MAP3K7: variants seen among roughly 807,000 people sequenced by gnomAD.
The protein encoded by MAP3K7 is TGF-beta activated kinase 1.
Under a neutral mutation model 84.8 loss-of-function variants are expected in MAP3K7, and 21 were observed. That is an observed-to-expected ratio of 0.25 (90% confidence interval 0.18 to 0.36). MAP3K7 has a LOEUF of 0.36. Among genes scored for constraint, MAP3K7 ranks in the 10% least tolerant of loss-of-function variants. The probability of loss-of-function intolerance (pLI) is 1.00; values close to 1 mark genes in which losing one functional copy is unlikely to be tolerated. For synonymous variants in MAP3K7, 241 were observed against 247.7 expected, an observed-to-expected ratio of 0.97 and a Z score of 0.25; for missense variants, 503 against 747.7, an observed-to-expected ratio of 0.67 and a Z score of 3.82.
chr6:90,577,237 A>T (rs1777114319), intron 1 of MAP3K7, among the ~76,000 whole-genome samples: 1 of 152,224 alleles, frequency 6.6e-6, no homozygotes, highest in Admixed American at 6.5e-5. Flanking sequence ...AGCTGAATCA[A>T]GGAAAACACC....
intron 1 of MAP3K7, 120 bp downstream of exon 1, chr6:90,586,644 T>C (rs1410109675): frequency 2.3e-5 from 31 of 1,335,974 alleles, no homozygotes; most frequent in South Asian, 2.9e-5. Flanking sequence ...GTCTCCCGGG[T>C]GGACCCCGCA....
At chr6:90,519,701 A>T (rs1775085615) in intron 14 of MAP3K7, among the ~76,000 whole-genome samples, 1 of 151,958 alleles carries the variant, frequency 6.6e-6, no homozygotes, top group Non-Finnish European at 1.5e-5. Context: ...TGCTAAGTTT[A>T]TTTTATAGAA....
At chr6:90,574,113 T>C (rs1334241779) in intron 1 of MAP3K7, among the ~76,000 whole-genome samples, 1 of 152,176 alleles carries the variant, frequency 6.6e-6, no homozygotes, top group African/African-American at 2.4e-5. Context: ...TGAGTTTCTG[T>C]TTTCTCAGCA....
In MAP3K7 at chr6:90,552,156, T is replaced by A; in HGVS notation, c.760A>T (p.Asn254Tyr). The change falls in exon 8 of 17, where the codon AAT (asparagine) becomes TAT (tyrosine). Residue 254 changes from asparagine to tyrosine, a missense_variant. Around this residue, in one of 5 missense-constraint regions of MAP3K7, gnomAD observed 286 missense variants for 313.6 expected, o/e 0.91. Transcript: ENST00000369329. ...AGGCTCTCAATGGGCTTAGGTAAATTTTTTATCAGTGGTGGTCGAGTACCT... is the reference window on the plus strand; with the variant it reads ...AGGCTCTCAATGGGCTTAGGTAAATATTTTATCAGTGGTGGTCGAGTACCT... ...HNGTRPPLIKNLPKPIESLMT... is the reference protein window; with the variant it reads ...HNGTRPPLIKYLPKPIESLMT... 6.2e-7 allele frequency: 1 copy of A among 1,610,864 alleles called. No homozygotes were observed. Among genetic ancestry groups the A allele is most frequent in the Non-Finnish European group, 8.5e-7 (1 of 1,177,492 alleles).
intron 4 of MAP3K7, 135 bp downstream of exon 4, chr6:90,561,487 G>T: frequency 3.6e-6 from 2 of 551,072 alleles, no homozygotes; most frequent in South Asian, 3.4e-5. Context: ...TTTATTCTTA[G>T]CAGATTTTTA....
intron 4 of MAP3K7, 62 bp downstream of exon 4, chr6:90,561,560 T>C: frequency 8.0e-7 from 1 of 1,248,610 alleles, no homozygotes; most frequent in Non-Finnish European, 1.1e-6. Context: ...ACTTAGGGTT[T>C]ATATTAAAAT....
At chr6:90,542,027 A>G (rs1310192438) in intron 12 of MAP3K7, among the ~76,000 whole-genome samples, 1 of 152,008 alleles carries the variant, frequency 6.6e-6, no homozygotes, top group African/African-American at 2.4e-5. Context: ...AATCCTTGCA[A>G]TTGGGTTTTA....
At chr6:90,548,615 G>A (rs1776079890) in intron 9 of MAP3K7, among the ~76,000 whole-genome samples, 1 of 152,036 alleles carries the variant, frequency 6.6e-6, no homozygotes, top group Admixed American at 6.6e-5. Context: ...CCAACAGATG[G>A]TATATAAGGC....
intron 4 of MAP3K7, among the ~76,000 whole-genome samples, chr6:90,560,744 A>T (rs937853777): frequency 2.0e-5 from 3 of 152,228 alleles, no homozygotes; most frequent in Admixed American, 1.3e-4. Context: ...ATTTAATAGT[A>T]CATCTATTAA....
At chr6:90,572,743 T>C (rs1582235263) in intron 1 of MAP3K7, among the ~76,000 whole-genome samples, 1 of 152,268 alleles carries the variant, frequency 6.6e-6, no homozygotes, top group East Asian at 1.9e-4. Flanking sequence ...TATCATACTA[T>C]TGTTGAAGCC....
intron 3 of MAP3K7, among the ~76,000 whole-genome samples, chr6:90,562,234 G>C (rs1426298998): frequency 6.6e-6 from 1 of 152,202 alleles, no homozygotes; most frequent in Non-Finnish European, 1.5e-5. Flanking sequence ...TTGTCAGACA[G>C]TGGGTGCAGC....
Position 90,553,502 on chromosome 6 carries a change from T to A in MAP3K7, c.692A>T (p.Glu231Val). The change falls in exon 7 of 17, where the codon GAG becomes GTG. Residue 231 changes from glutamate (E) to valine (V), a missense_variant. Glu to Val is a moderately radical substitution (Grantham distance 121). Coordinates refer to ENST00000369329, the MANE Select transcript of MAP3K7 (RefSeq NM_145331.3). ...EVITRRKPFD[E>V]IGGPAFRIMW... ...GATTCGGAAAGCTGGGCCACCAATC[T>A]CATCAAAGGGTTTCCGACGCGTTAT... The A allele has an allele frequency of 6.2e-7, 1 of 1,613,974 alleles. No homozygotes were observed. Among genetic ancestry groups the A allele is most frequent in the Non-Finnish European group, 8.5e-7 (1 of 1,179,976 alleles).
chr6:90,534,782 C>T (rs1055409118), intron 13 of MAP3K7, among the ~76,000 whole-genome samples: 3 of 152,134 alleles, frequency 2.0e-5, no homozygotes, highest in Non-Finnish European at 4.4e-5. Flanking sequence ...TGTCTTAGGA[C>T]AAGCTTCTCA....
chr6:90,560,150 C>T lies in MAP3K7; in HGVS notation c.408G>A (p.Gln136=). Reference sequence around the variant, plus strand: ...GAAGATAAGCCACTCCTTGGGAACACTGTAAACACCAACTCATTGCGTGGG... The same window carrying T: ...GAAGATAAGCCACTCCTTGGGAACATTGTAAACACCAACTCATTGCGTGGG... ...TAAHAMSWCL[Q]CSQGVAYLHS... is the part of the protein sequence containing the mutation. Residue 136 remains glutamine (Q), a synonymous_variant, in exon 5 of 17, where the codon CAG becomes CAA. Transcript: ENST00000369329. 6.2e-7 allele frequency: 1 copy of T among 1,614,172 alleles called. No homozygotes were observed. Among genetic ancestry groups the T allele is most frequent in the Non-Finnish European group, 8.5e-7 (1 of 1,180,020 alleles).
chr6:90,520,309 A>G (rs1775107141), intron 14 of MAP3K7, among the ~76,000 whole-genome samples: 1 of 152,050 alleles, frequency 6.6e-6, no homozygotes, highest in Non-Finnish European at 1.5e-5. Flanking sequence ...ATGCAATCCA[A>G]AAAAACTCAA....
intron 1 of MAP3K7, among the ~76,000 whole-genome samples, chr6:90,579,047 A>G (rs1002614882): frequency 6.6e-6 from 1 of 152,142 alleles, no homozygotes; most frequent in South Asian, 2.1e-4. Flanking sequence ...GGATCATGTA[A>G]TTAGTAAATC....
Position 90,550,479 on chromosome 6 carries a change from G to A in MAP3K7, c.938C>T (p.Ala313Val), listed in dbSNP as rs2127973599. 2 of 1,607,602 alleles carry A rather than the reference G, an allele frequency of 1.2e-6. No homozygotes were observed. The highest frequency in any genetic ancestry group is 2.2e-5 in the East Asian group (1 of 44,728). Residue 313 changes from alanine (A) to valine (V), a missense_variant, in exon 9 of 17, where the codon GCC becomes GTC. Ala to Val is a moderately conservative substitution (Grantham distance 64, BLOSUM62 0). Around this residue, in one of 5 missense-constraint regions of MAP3K7, gnomAD observed 286 missense variants for 313.6 expected, o/e 0.91. Coordinates refer to ENST00000369329, the MANE Select transcript of MAP3K7 (RefSeq NM_145331.3). The part of the protein sequence containing the change: ...QYSDEGQSNS[A>V]TSTGSFMDIA... Reference sequence around the variant, plus strand: ...ATCTATCCATTTACCTGTACTGGTGGCAGAGTTGCTCTGTCCTTCATCTGA... The same window carrying A: ...ATCTATCCATTTACCTGTACTGGTGACAGAGTTGCTCTGTCCTTCATCTGA...
At chr6:90,564,295 C>T (rs1424743918) in intron 3 of MAP3K7, among the ~76,000 whole-genome samples, 3 of 152,000 alleles carry the variant, frequency 2.0e-5, no homozygotes, top group African/African-American at 7.3e-5. Context: ...AGAGTCAAGA[C>T]CAGTAAGTGT....
rs1012065458 is a variant in MAP3K7 at position 90,522,783 on chromosome 6, T to C, written c.1462+895A>G. ...AACCACATCAGATAACTATAAATAC[T>C]TGAGTTGTATTTTAGTTTGTAAAGA... On this transcript the variant is annotated intron_variant, in intron 14 of 16. Transcript: ENST00000369329. Among the ~76,000 whole-genome samples the C allele has an allele frequency of 6.6e-5, 10 of 152,162 alleles. 1 individual carries two copies. Among genetic ancestry groups the C allele is most frequent in the Admixed American group, 5.9e-4 (9 of 15,274 alleles).
Sources: allele counts gnomAD v4.1 joint callset (sites outside exome capture counted in the v4.1 genomes callset), GRCh38; gene constraint gnomAD v4.1.1; regional missense constraint gnomAD v4.1.1; transcripts MANE v1.5; gene names NCBI Gene and HGNC (gene_info 2026-07-23, HGNC 2026-07-21).